The following PLCG1 variants were observed in gnomAD, a reference collection of about 807,000 sequenced individuals.
The protein encoded by PLCG1 is phospholipase C gamma 1.
PLCG1 carries 71 observed loss-of-function variants against 177.8 expected under a neutral mutation model. The observed-to-expected ratio is 0.40, with a 90% CI of 0.33 to 0.49. PLCG1 has a LOEUF of 0.49. PLCG1 is among the 20% of genes least tolerant of loss of function. The pLI is 0.72. For synonymous variants in PLCG1, 658 were observed against 647.9 expected (o/e 1.02, Z -0.24); for missense variants, 1,281 against 1,709.0 (o/e 0.75, Z 4.42).
rs1164428452 is a variant in PLCG1 at position 41,156,815 on chromosome 20, AT to A, written c.218-2789del. ...GACCCAGACTGTGCCAGACTGGATC[AT>A]TCGCTCTGTCACCTGCCACCAGGGC... On this transcript the variant is annotated intron_variant, in intron 1 of 31. Transcript: ENST00000685551. The surrounding 1 kb of genome is among the most constrained non-coding windows in gnomAD (Gnocchi z 5.0). Among the ~76,000 whole-genome samples the A allele has an allele frequency of 6.6e-6, 1 of 152,238 alleles. No homozygotes were observed. The highest frequency in any genetic ancestry group is 1.5e-5 in the Non-Finnish European group (1 of 68,042).
rs1167128890 is a variant in PLCG1, at chr20:41,137,616, C to T, written c.-26C>T. Reference sequence around the variant, plus strand: ...TGCTCCCGGGCGGTCCTGGCCTGTGCCGCCGCCGCCCCCAGCGTCGGAGCC... The same window carrying T: ...TGCTCCCGGGCGGTCCTGGCCTGTGTCGCCGCCGCCCCCAGCGTCGGAGCC... On this transcript the variant is annotated 5_prime_UTR_variant, in exon 1 of 32. Coordinates refer to ENST00000685551, the MANE Select transcript of PLCG1 (RefSeq NM_002660.3). The surrounding 1 kb of genome is among the most constrained non-coding windows in gnomAD (Gnocchi z 7.3). The T allele has an allele frequency of 3.1e-6, 4 of 1,295,334 alleles. No homozygotes were observed. The highest frequency in any genetic ancestry group is 4.1e-5 in the Admixed American group (1 of 24,114). 80.2% of individuals were successfully genotyped at this position (1,295,334 alleles called of 1,614,324 possible). A position where few individuals can be genotyped will look rare whatever the true frequency, so the allele number is the denominator to read the frequency against.
chr20:41,170,313 G>A (rs546509472), intron 24 of PLCG1, 44 bp downstream of exon 24: 13 of 1,609,236 alleles, frequency 8.1e-6, no homozygotes, highest in South Asian at 4.4e-5. Flanking sequence ...GTGTGGGCCC[G>A]TCAGGCAGCT....
chr20:41,153,757 A>G lies in PLCG1; in HGVS notation c.218-5849A>G, dbSNP rs536960185. On this transcript the variant is annotated intron_variant, in intron 1 of 31. Transcript: ENST00000685551. The surrounding 1 kb of genome is among the most constrained non-coding windows in gnomAD (Gnocchi z 5.1). ...CTAAAAATACAAAAATCAGCTGGGC[A>G]TGGTGGTGTGCATCTGTAATCCCAG... is the stretch of plus-strand genomic sequence containing the variant. Among the ~76,000 whole-genome samples the G allele has an allele frequency of 2.4e-4, 36 of 152,276 alleles. No homozygotes were observed. Among genetic ancestry groups the G allele is most frequent in the African/African-American group, 8.2e-4 (34 of 41,562 alleles).
chr20:41,143,374 T>A (rs895856761), intron 1 of PLCG1, among the ~76,000 whole-genome samples: 5 of 152,138 alleles, frequency 3.3e-5, no homozygotes, highest in Non-Finnish European at 7.4e-5. Context: ...TGCAAAGGTG[T>A]GATATTAGGA....
chr20:41,152,017 C>T (rs1210070408), intron 1 of PLCG1, among the ~76,000 whole-genome samples: 1 of 152,186 alleles, frequency 6.6e-6, no homozygotes, highest in East Asian at 1.9e-4. Context: ...AGATGATACT[C>T]ACTTCTGCTG....
At chr20:41,140,792 T>C (rs1209589405) in intron 1 of PLCG1, among the ~76,000 whole-genome samples, 1 of 152,236 alleles carries the variant, frequency 6.6e-6, no homozygotes, top group Non-Finnish European at 1.5e-5. Flanking sequence ...AATGCAGTTA[T>C]GTAGAGTTCC....
In PLCG1 at chr20:41,172,659, C is replaced by T. The variant is rs756636063; in HGVS notation, c.3130+14C>T. ...TCCAGACCCCTGGTGAGGAAGTCCC[C>T]TGTGAGGAGGGTGAGGAGGGGCACT... On this transcript the variant is annotated intron_variant, in intron 26 of 31. Transcript: ENST00000685551. This position sits in a 1 kb window ranked among gnomAD's most constrained non-coding sequence, Gnocchi z 7.0. 7.4e-6 allele frequency: 12 copies of T among 1,613,164 alleles called. No homozygotes were observed. In the Admixed American group the frequency reaches 1.3e-4, roughly 18 times the overall value.
chr20:41,164,196 C>T lies in PLCG1; in HGVS notation c.1212C>T (p.Ala404=), dbSNP rs754821319. 4 of 1,613,938 alleles carry T rather than the reference C, an allele frequency of 2.5e-6. No homozygotes were observed. The African/African-American group carries it at 4.0e-5, about 16-fold the overall frequency. ...CCATCAAGGAGCATGCCTTTGTGGC[C>T]TCAGAGTGAGTCGGAGGCTGGATGA... ...LHTIKEHAFV[A]SEYPVILSIE... is the part of the protein sequence containing the mutation. Residue 404 remains alanine (A), a synonymous_variant, in exon 12 of 32, where the codon GCC becomes GCT. Transcript: ENST00000685551. This position sits in a 1 kb window ranked among gnomAD's most constrained non-coding sequence, Gnocchi z 6.4.
rs546832068 is a variant in PLCG1, at chr20:41,151,939, G to A, written c.218-7667G>A. 2.6e-5 allele frequency among the ~76,000 whole-genome samples: 4 copies of A among 152,194 alleles called. No individual in the cohort carries two copies. The highest frequency in any genetic ancestry group is 1.3e-4 in the Admixed American group (2 of 15,290). ...GGGGATCTGCAGTGCAGTGCCTGCCGTACCCCACAGGGAGTTGTATAGGAA... is the reference window on the plus strand; with the variant it reads ...GGGGATCTGCAGTGCAGTGCCTGCCATACCCCACAGGGAGTTGTATAGGAA... On this transcript the variant is annotated intron_variant, in intron 1 of 31. Coordinates refer to ENST00000685551, the MANE Select transcript of PLCG1 (RefSeq NM_002660.3). This position sits in a 1 kb window ranked among gnomAD's most constrained non-coding sequence, Gnocchi z 5.5.
rs1336219013 is a variant in PLCG1 at position 41,174,721 on chromosome 20, A to G, written c.*212A>G. On this transcript the variant is annotated 3_prime_UTR_variant, in exon 32 of 32. Coordinates refer to ENST00000685551, the MANE Select transcript of PLCG1 (RefSeq NM_002660.3). This position sits in a 1 kb window ranked among gnomAD's most constrained non-coding sequence, Gnocchi z 5.8. ...CATGCCCCAGCTCTGGATGAAGGCA[A>G]AAACTGTACTGTGTTTCGCATTAAG... 1.7e-6 allele frequency: 1 copy of G among 589,782 alleles called. No homozygotes were observed. The highest frequency in any genetic ancestry group is 3.0e-6 in the Non-Finnish European group (1 of 329,120). The allele number at this position is 589,782 out of a possible 1,614,324, so 36.5% of individuals were successfully genotyped here.
In PLCG1 at chr20:41,137,549, C is replaced by CGCCTCA. The variant is rs988825576; in HGVS notation, c.-83_-78dup. The CGCCTCA allele has an allele frequency of 6.0e-6, 4 of 666,840 alleles. No individual in the cohort carries two copies. The highest frequency in any genetic ancestry group is 5.0e-4 in the Middle Eastern group (1 of 2,008). The allele number at this position is 666,840 out of a possible 1,614,324, so 41.3% of individuals were successfully genotyped here. On this transcript the variant is annotated 5_prime_UTR_variant, in exon 1 of 32. Transcript: ENST00000685551. This position sits in a 1 kb window ranked among gnomAD's most constrained non-coding sequence, Gnocchi z 7.3. ...CCGCCGCCGGGTCCCGCTCGTCTGC[C>CGCCTCA]GCCTCAGCCTCAGCCCCAACCTCAG...
In PLCG1 at chr20:41,162,964, C is replaced by G; in HGVS notation, c.688C>G (p.Leu230Val). The G allele has an allele frequency of 6.2e-7, 1 of 1,614,010 alleles. No homozygotes were observed. The highest frequency in any genetic ancestry group is 8.5e-7 in the Non-Finnish European group (1 of 1,179,860). The change falls in exon 7 of 32, where the codon CTC becomes GTC. Residue 230 changes from leucine (L) to valine (V), a missense_variant. Physicochemically the swap from Leu to Val is conservative, Grantham distance 32. Coordinates refer to ENST00000685551, the MANE Select transcript of PLCG1 (RefSeq NM_002660.3). ...LMYSAQKTMD[L>V]PFLEASTLRA... ...CAGGTTCTGTTTCCTGCAGATGGAC[C>G]TCCCCTTCTTGGAAGCCAGTACTCT... is the stretch of plus-strand genomic sequence containing the variant.
rs1479512013 is a variant in PLCG1, at chr20:41,146,827, C to A, written c.217+8969C>A. On this transcript the variant is annotated intron_variant, in intron 1 of 31. Transcript: ENST00000685551. The surrounding 1 kb of genome is among the most constrained non-coding windows in gnomAD (Gnocchi z 6.3). ...GGTGTGGATGTGTGGTGGGAGAATT[C>A]CAACCCCACCTTGACTTCAGCCTAA... is the stretch of plus-strand genomic sequence containing the variant. Among the ~76,000 whole-genome samples, 1 of 152,018 alleles carries A rather than the reference C, an allele frequency of 6.6e-6. No homozygotes were observed. Among genetic ancestry groups the A allele is most frequent in the Admixed American group, 6.6e-5 (1 of 15,260 alleles).
At position 41,169,513 on chromosome 20, in the gene PLCG1, G is replaced by A. The variant is rs374955310; in HGVS notation, c.2637G>A (p.Pro879=). ...TGCTGCGGGGGGTCTTGGATGTGCC[G>A]GCTTGTCAGATTGGTGAGCTCCCAT... ...GDLLRGVLDV[P]ACQIAIRPEG... is the part of the protein sequence containing the mutation. Residue 879 remains proline, a synonymous_variant, in exon 23 of 32, where the codon CCG becomes CCA. Transcript: ENST00000685551. The A allele has an allele frequency of 4.6e-5, 74 of 1,613,188 alleles. No individual in the cohort carries two copies. Among genetic ancestry groups the A allele is most frequent in the South Asian group, 1.2e-4 (11 of 91,050 alleles).
chr20:41,139,572 C>A (rs897188616), intron 1 of PLCG1, among the ~76,000 whole-genome samples: 1 of 152,120 alleles, frequency 6.6e-6, no homozygotes, highest in Non-Finnish European at 1.5e-5. Context: ...CCTTGATTTC[C>A]TCATGTGTAA....
rs2035035109 is a variant in PLCG1, at chr20:41,147,666, T to C, written c.217+9808T>C. Among the ~76,000 whole-genome samples the C allele has an allele frequency of 6.6e-6, 1 of 152,064 alleles. No individual in the cohort carries two copies. The highest frequency in any genetic ancestry group is 6.6e-5 in the Admixed American group (1 of 15,266). ...GAGTTCAAGACCAGCCTGGCTAAGA[T>C]GGTGAAATCCCATCTCTACTAAAAA... On this transcript the variant is annotated intron_variant, in intron 1 of 31. Transcript: ENST00000685551. This position sits in a 1 kb window ranked among gnomAD's most constrained non-coding sequence, Gnocchi z 4.0.
Position 41,166,464 on chromosome 20 carries a change from G to A in PLCG1, c.2001-12G>A. 1 of 1,613,970 alleles carries A rather than the reference G, an allele frequency of 6.2e-7. No individual in the cohort carries two copies. ...GGTGGTGCTGGCCGGGCCTGACTCT[G>A]CCTGTTCTCAGGTGGTACCACGCGA... On this transcript the variant is annotated splice_polypyrimidine_tract_variant and intron_variant, in intron 17 of 31. Coordinates refer to ENST00000685551, the MANE Select transcript of PLCG1 (RefSeq NM_002660.3). This position sits in a 1 kb window ranked among gnomAD's most constrained non-coding sequence, Gnocchi z 8.6.
Position 41,163,846 on chromosome 20 carries a change from C to G in PLCG1, c.1010+13C>G. The G allele has an allele frequency of 6.2e-7, 1 of 1,610,252 alleles. No individual in the cohort carries two copies. Among genetic ancestry groups the G allele is most frequent in the Non-Finnish European group, 8.5e-7 (1 of 1,176,444 alleles). ...CCTCGCACAACACGTGAGTGTGGCT[C>G]CTTCAGGCCCACCCAGCTTCTTCCC... On this transcript the variant is annotated intron_variant, in intron 10 of 31. Transcript: ENST00000685551. This position sits in a 1 kb window ranked among gnomAD's most constrained non-coding sequence, Gnocchi z 5.2.
rs1178307232 is a variant in PLCG1 at position 41,173,088 on chromosome 20, G to C, written c.3279+211G>C. On this transcript the variant is annotated intron_variant, in intron 27 of 31. Coordinates refer to ENST00000685551, the MANE Select transcript of PLCG1 (RefSeq NM_002660.3). The surrounding 1 kb of genome is among the most constrained non-coding windows in gnomAD (Gnocchi z 6.2). Reference sequence around the variant, plus strand: ...GAGCCATGGTGTGACTTGTTCTGATGACTTGTTTTGTTCTGATGAGATCTT... The same window carrying C: ...GAGCCATGGTGTGACTTGTTCTGATCACTTGTTTTGTTCTGATGAGATCTT... Among the ~76,000 whole-genome samples the C allele has an allele frequency of 6.6e-6, 1 of 152,180 alleles. No homozygotes were observed. The highest frequency in any genetic ancestry group is 1.5e-5 in the Non-Finnish European group (1 of 68,030).
Sources: allele counts gnomAD v4.1 joint callset (sites outside exome capture counted in the v4.1 genomes callset), GRCh38; gene constraint gnomAD v4.1.1; non-coding constraint Gnocchi (gnomAD v3.1); transcripts MANE v1.5; gene names NCBI Gene and HGNC (gene_info 2026-07-23, HGNC 2026-07-21).